The following ABCA1 variants were observed in gnomAD, a reference collection of about 807,000 sequenced individuals.
ABCA1 encodes the protein phospholipid-transporting ATPase ABCA1.
ABCA1 carries 133 observed loss-of-function variants against 262.5 expected under a neutral mutation model. The observed-to-expected ratio is 0.51, with a 90% confidence interval of 0.44 to 0.59. The LOEUF is 0.59. Among genes scored for constraint, ABCA1 ranks in the 20% least tolerant of loss-of-function variants. ABCA1 has a pLI of 0.00. For synonymous variants in ABCA1, 1,022 were observed against 1,043.5 expected (o/e 0.98, Z 0.40); for missense variants, 2,452 against 2,777.5 (o/e 0.88, Z 2.63).
chr9:104,784,202 A>G lies in ABCA1; in HGVS notation c.*113T>C. 1 of 1,347,774 alleles carries G rather than the reference A, an allele frequency of 7.4e-7. No homozygotes were observed. The highest frequency in any genetic ancestry group is 1.1e-6 in the Non-Finnish European group (1 of 948,286). 83.5% of individuals were successfully genotyped at this position (1,347,774 alleles called of 1,614,324 possible). The stretch of plus-strand genomic sequence containing the variant: ...ATTGAATAGTATCAGTACAGTATCC[A>G]GTTTACTTCTTCCCACATCAACTTC... On this transcript the variant is annotated 3_prime_UTR_variant, in exon 50 of 50. Transcript: ENST00000374736.
intron 36 of ABCA1, 161 bp downstream of exon 36, chr9:104,799,658 G>A (rs984202101): frequency 8.1e-6 from 8 of 985,102 alleles, no homozygotes; most frequent in African/African-American, 5.2e-5. Context: ...CAGCCAATTC[G>A]TAAACTTATC....
At chr9:104,846,410 G>C (rs534546170) in intron 7 of ABCA1, among the ~76,000 whole-genome samples, 1 of 152,152 alleles carries the variant, frequency 6.6e-6, no homozygotes, top group African/African-American at 2.4e-5. Flanking sequence ...TATGAGCATT[G>C]TTTTATTCAA....
intron 30 of ABCA1, among the ~76,000 whole-genome samples, chr9:104,807,865 CACACACACACAT>C (rs1397197293): frequency 5.5e-5 from 8 of 145,756 alleles, no homozygotes; most frequent in Admixed American, 1.4e-4. Context: ...CACACACACA[CACACACACACAT>C]ATATATATTA....
At position 104,788,576 on chromosome 9, in the gene ABCA1, G is replaced by C; in HGVS notation, c.5928-9C>G. On this transcript the variant is annotated splice_polypyrimidine_tract_variant and intron_variant, in intron 44 of 49. Transcript: ENST00000374736. ...GGATGTTTGATAAGATACTGCAAAG[G>C]ACAAGAAAACTACTTAGATTTTAAG... The C allele has an allele frequency of 6.2e-7, 1 of 1,614,064 alleles. No homozygotes were observed. The highest frequency in any genetic ancestry group is 8.5e-7 in the Non-Finnish European group (1 of 1,179,982).
intron 7 of ABCA1, 57 bp downstream of exon 7, chr9:104,858,465 C>A: frequency 6.4e-7 from 1 of 1,555,146 alleles, no homozygotes; most frequent in Non-Finnish European, 8.9e-7. Context: ...CAAGGAAAAG[C>A]CTCACATTCC....
intron 49 of ABCA1, among the ~76,000 whole-genome samples, 170 bp downstream of exon 49, chr9:104,785,226 T>A (rs1306449787): frequency 2.0e-5 from 3 of 152,150 alleles, no homozygotes; most frequent in African/African-American, 7.2e-5. Flanking sequence ...ATAGGCATCA[T>A]CTCCCTTTTC....
chr9:104,783,840 C>A lies in ABCA1; in HGVS notation c.*475G>T. ...ACTAATAACTCTGGCACACTCATTG[C>A]CAGCAATGGATGTGTCACCGGGAAA... On this transcript the variant is annotated 3_prime_UTR_variant, in exon 50 of 50. Coordinates refer to ENST00000374736, the MANE Select transcript of ABCA1 (RefSeq NM_005502.4). The A allele has an allele frequency of 5.9e-6, 1 of 168,418 alleles. No individual in the cohort carries two copies. The highest frequency in any genetic ancestry group is 1.3e-5 in the Non-Finnish European group (1 of 77,270). 10.4% of individuals were successfully genotyped at this position (168,418 alleles called of 1,614,324 possible). A position where few individuals can be genotyped will look rare whatever the true frequency, so the allele number is the denominator to read the frequency against.
At chr9:104,862,664 C>CAGGGCAGGGCA (rs1564198671) in intron 5 of ABCA1, among the ~76,000 whole-genome samples, 3 of 7,066 alleles carry the variant, frequency 4.2e-4, no homozygotes, top group African/African-American at 1.6e-3. Context: ...CGGGCCGGGC[C>CAGGGCAGGGCA]GGGCCGGGCC....
Position 104,919,972 on chromosome 9 carries a change from T to C in ABCA1, c.-93+7963A>G, listed in dbSNP as rs1290634139. On this transcript the variant is annotated intron_variant, in intron 1 of 49. Transcript: ENST00000374736. ...TCAAAATCCACATGGTATGTTACAC[T>C]AATGCCCAGCATGTTCCTCAGATCT... is the stretch of plus-strand genomic sequence containing the variant. Among the ~76,000 whole-genome samples the C allele has an allele frequency of 3.3e-5, 5 of 152,362 alleles. No individual in the cohort carries two copies. The East Asian group carries it at 9.6e-4, about 29-fold the overall frequency.
At chr9:104,820,422 A>T (rs756667612) in intron 20 of ABCA1, among the ~76,000 whole-genome samples, 3 of 152,022 alleles carry the variant, frequency 2.0e-5, no homozygotes, top group Non-Finnish European at 4.4e-5. Flanking sequence ...CTCGGCACTC[A>T]CCTGGAGCAG....
Position 104,862,689 on chromosome 9 carries a change from C to CAGGGCAGGGCA in ABCA1, c.422-890_422-889insTGCCCTGCCCT, listed in dbSNP as rs1836696985. 9.1e-4 allele frequency among the ~76,000 whole-genome samples: 3 copies of CAGGGCAGGGCA among 3,310 alleles called. 1 individual carries two copies. The highest frequency in any genetic ancestry group is 3.3e-3 in the African/African-American group (3 of 918). 2.2% of individuals were successfully genotyped at this position (3,310 alleles called of 152,430 possible). A position where few individuals can be genotyped will look rare whatever the true frequency, so the allele number is the denominator to read the frequency against. Reference sequence around the variant, plus strand: ...CGGGCCGGGCCGGGCCGGGCCGGGCCGGGCCGGGCCGGCCCCCACCCCCAC... The same window carrying CAGGGCAGGGCA: ...CGGGCCGGGCCGGGCCGGGCCGGGCCAGGGCAGGGCAGGGCCGGGCCGGCCCCCACCCCCAC... On this transcript the variant is annotated intron_variant, in intron 5 of 49. Coordinates refer to ENST00000374736, the MANE Select transcript of ABCA1 (RefSeq NM_005502.4).
intron 8 of ABCA1, 134 bp downstream of exon 8, chr9:104,845,343 A>C: frequency 2.8e-6 from 2 of 706,666 alleles, no homozygotes; most frequent in Non-Finnish European, 5.1e-6. Context: ...TATTGTTTAC[A>C]TCACTTATAC....
In ABCA1 at chr9:104,828,951, G is replaced by T. The variant is rs1376197004; in HGVS notation, c.2080C>A (p.Leu694Ile). The T allele has an allele frequency of 6.2e-7, 1 of 1,614,194 alleles. No homozygotes were observed. The highest frequency in any genetic ancestry group is 8.5e-7 in the Non-Finnish European group (1 of 1,180,034). Reference sequence around the variant, plus strand: ...ACCACTAGCAGGCCAGCGCTCACAAGAAGAGGAATGAGGCTACTAATGAAC... The same window carrying T: ...ACCACTAGCAGGCCAGCGCTCACAATAAGAGGAATGAGGCTACTAATGAAC... ...SWFISSLIPL[L>I]VSAGLLVVIL... The change falls in exon 15 of 50, where the codon CTT becomes ATT. Residue 694 changes from leucine to isoleucine, a missense_variant. Physicochemically the swap from Leu to Ile is conservative, Grantham distance 5 (BLOSUM62 2). Transcript: ENST00000374736.
chr9:104,792,839 TTC>T lies in ABCA1; in HGVS notation c.5702_5703del (p.Arg1901AsnfsTer3), dbSNP rs1185382358. ...TCATTCTGGCCTCCACCATCAAGAA[TTC>T]TCTGTCTTTCCCGCCTCACATCTTC... ...EDEDVRRERQRILDGGGQNDI... is the reference protein window; with the variant it reads ...EDEDVRRERQXILDGGGQNDI... On this transcript the variant is annotated frameshift_variant, in exon 42 of 50. Coordinates refer to ENST00000374736, the MANE Select transcript of ABCA1 (RefSeq NM_005502.4). LOFTEE classifies it high-confidence loss of function. The T allele has an allele frequency of 1.2e-6, 2 of 1,614,066 alleles. No individual in the cohort carries two copies. Among genetic ancestry groups the T allele is most frequent in the Non-Finnish European group, 8.5e-7 (1 of 1,180,022 alleles).
chr9:104,809,401 G>A lies in ABCA1; in HGVS notation c.4274+65C>T. On this transcript the variant is annotated intron_variant, in intron 30 of 49. Coordinates refer to ENST00000374736, the MANE Select transcript of ABCA1 (RefSeq NM_005502.4). ...ATGTGGCATGCAGTTGATAAATGCA[G>A]CATATTAGAAATCAAACCAGGCAAC... The A allele has an allele frequency of 2.8e-6, 4 of 1,430,468 alleles. No individual in the cohort carries two copies. In the East Asian group the frequency reaches 6.9e-5, roughly 25 times the overall value. The allele number at this position is 1,430,468 out of a possible 1,614,324, so 88.6% of individuals were successfully genotyped here.
At chr9:104,804,500 A>G in intron 32 of ABCA1, 126 bp downstream of exon 32, 1 of 822,352 alleles carries the variant, frequency 1.2e-6, no homozygotes, top group Non-Finnish European at 2.1e-6. Context: ...AATATCCTAA[A>G]CTTCCAATAG....
intron 46 of ABCA1, among the ~76,000 whole-genome samples, chr9:104,787,249 C>T (rs1157000249): frequency 2.6e-5 from 4 of 151,972 alleles, no homozygotes; most frequent in African/African-American, 9.7e-5. Context: ...GGAAAAAGGC[C>T]ATTTAGTTGT....
At chr9:104,901,398 G>C (rs1396955912) in intron 2 of ABCA1, among the ~76,000 whole-genome samples, 1 of 152,056 alleles carries the variant, frequency 6.6e-6, no homozygotes, top group Non-Finnish European at 1.5e-5. Flanking sequence ...CTACCCCAGA[G>C]CCATAGCCCC....
chr9:104,795,435 T>C (rs1444915339), intron 39 of ABCA1, among the ~76,000 whole-genome samples: 2 of 152,128 alleles, frequency 1.3e-5, no homozygotes, highest in African/African-American at 4.8e-5. Context: ...ACATAACCAG[T>C]TGAATGTGGG....
Sources: allele counts gnomAD v4.1 joint callset (sites outside exome capture counted in the v4.1 genomes callset), GRCh38; gene constraint gnomAD v4.1.1; transcripts MANE v1.5; gene names NCBI Gene and HGNC (gene_info 2026-07-23, HGNC 2026-07-21).